A2M: variants seen among roughly 807,000 people sequenced by gnomAD.
The protein encoded by A2M is C3 and PZP-like alpha-2-macroglobulin domain-containing protein 5.
A2M carries 128 observed loss-of-function variants against 183.9 expected under a neutral mutation model. The ratio of observed to expected loss-of-function variants is 0.70; its 90% confidence interval spans 0.60 to 0.81. The LOEUF is 0.81. A2M is among the 30% of genes least tolerant of loss of function. The probability of loss-of-function intolerance (pLI) is 0.00; values close to 1 mark genes in which losing one functional copy is unlikely to be tolerated. For synonymous variants in A2M, 592 were observed against 670.8 expected, an observed-to-expected ratio of 0.88 and a Z score of 1.81; for missense variants, 1,495 against 1,787.6, an observed-to-expected ratio of 0.84 and a Z score of 2.95.
chr12:9,073,349 T>C (rs1406376211), intron 29 of A2M, among the ~76,000 whole-genome samples: 1 of 152,226 alleles, frequency 6.6e-6, no homozygotes, highest in Admixed American at 6.5e-5. Flanking sequence ...ATGCTTCAGT[T>C]TCTCCAAAAG....
intron 18 of A2M, among the ~76,000 whole-genome samples, chr12:9,092,836 A>G (rs749342008): frequency 2.7e-4 from 41 of 152,234 alleles, no homozygotes; most frequent in Non-Finnish European, 5.4e-4. Context: ...AGCATTATTC[A>G]CAGTTGCCAA....
chr12:9,095,851 C>T (rs1027691875), intron 15 of A2M, among the ~76,000 whole-genome samples, 151 bp from the exon 16 acceptor site: 2 of 148,128 alleles, frequency 1.4e-5, no homozygotes, highest in African/African-American at 5.0e-5. Flanking sequence ...GCTCCGCTTC[C>T]CGGGTTCACG....
At chr12:9,102,482 C>T (rs991388866) in intron 11 of A2M, among the ~76,000 whole-genome samples, 1 of 152,198 alleles carries the variant, frequency 6.6e-6, no homozygotes, top group Non-Finnish European at 1.5e-5. Context: ...TCCCAAAGTG[C>T]TGGGATTACA....
intron 3 of A2M, 81 bp from the exon 4 acceptor site, chr12:9,112,292 G>T: frequency 6.2e-7 from 1 of 1,605,106 alleles, no homozygotes; most frequent in Non-Finnish European, 8.5e-7. Context: ...AAGGAACCAA[G>T]ATTATAGGAA....
At position 9,079,733 on chromosome 12, in the gene A2M, G is replaced by C; in HGVS notation, c.2937C>G (p.Leu979=). 1 of 1,613,716 alleles carries C rather than the reference G, an allele frequency of 6.2e-7. No individual in the cohort carries two copies. The highest frequency in any genetic ancestry group is 2.2e-5 in the East Asian group (1 of 44,866). Residue 979 remains leucine, a synonymous_variant, in exon 24 of 36, where the codon CTC becomes CTG. Coordinates refer to ENST00000318602, the MANE Select transcript of A2M (RefSeq NM_000014.6). ...CCAGTACATAGATGTTAGGAGCAAA[G>C]AGGACCATATTCTGCTCTCCACAGC... ...PYGCGEQNMV[L]FAPNIYVLDY...
chr12:9,067,896 G>A (rs1322783069), intron 35 of A2M, 57 bp from the exon 36 acceptor site: 7 of 1,530,970 alleles, frequency 4.6e-6, no homozygotes, highest in South Asian at 2.3e-5. Context: ...TGAGCAGAGA[G>A]TATTCTTTCC....
Position 9,099,409 on chromosome 12 carries a change from T to C in A2M, c.1673A>G (p.Tyr558Cys). 6.4e-7 allele frequency: 1 copy of C among 1,567,506 alleles called. No homozygotes were observed. The highest frequency in any genetic ancestry group is 2.4e-5 in the East Asian group (1 of 42,506). Residue 558 changes from tyrosine (Y) to cysteine (C), a missense_variant, in exon 14 of 36, where the codon TAT becomes TGT. By Grantham distance (194) the Tyr-to-Cys change is radical. Transcript: ENST00000318602. ...GTTGGCCAGACAATTTTCAACATCA[T>C]ATTTTGCAGAATCCCCAATCACGTC... Reference protein sequence around the residue: ...TGDVIGDSAKYDVENCLANKV... With the variant: ...TGDVIGDSAKCDVENCLANKV...
chr12:9,116,044 A>G (rs1939096694), upstream of A2M: 1 of 613,876 alleles, frequency 1.6e-6, no homozygotes, highest in Non-Finnish European at 3.0e-6. Context: ...TTGATGGCCT[A>G]TTTATAGTCA....
intron 13 of A2M, among the ~76,000 whole-genome samples, chr12:9,100,916 G>C (rs944229335): frequency 2.0e-5 from 3 of 152,078 alleles, no homozygotes; most frequent in Non-Finnish European, 4.4e-5. Context: ...GGTGGAAGGG[G>C]GTGAGGGATA....
intron 33 of A2M, 77 bp downstream of exon 33, chr12:9,069,668 T>C (rs1226793442): frequency 2.8e-6 from 3 of 1,072,318 alleles, no homozygotes; most frequent in Non-Finnish European, 4.1e-6. Flanking sequence ...GTTTCTAAAA[T>C]GCATTTACCT....
At position 9,079,627 on chromosome 12, in the gene A2M, G is replaced by A; in HGVS notation, c.3031+12C>T. On this transcript the variant is annotated intron_variant, in intron 24 of 35. Coordinates refer to ENST00000318602, the MANE Select transcript of A2M (RefSeq NM_000014.6). Reference sequence around the variant, plus strand: ...AACATTCAAGTTTTCCCTTACTCAAGTAATCACTCACCAGTGTTGAGATAG... The same window carrying A: ...AACATTCAAGTTTTCCCTTACTCAAATAATCACTCACCAGTGTTGAGATAG... 6.2e-7 allele frequency: 1 copy of A among 1,607,530 alleles called. No individual in the cohort carries two copies. Among genetic ancestry groups the A allele is most frequent in the Non-Finnish European group, 8.5e-7 (1 of 1,177,090 alleles).
At chr12:9,089,393 T>TA in intron 21 of A2M, 142 bp from the exon 22 acceptor site, 2 of 667,572 alleles carry the variant, frequency 3.0e-6, no homozygotes, top group Non-Finnish European at 5.3e-6. Flanking sequence ...ATATAAGCAA[T>TA]ATACGTAGGA....
intron 22 of A2M, among the ~76,000 whole-genome samples, chr12:9,085,408 A>G (rs1490680695): frequency 6.6e-6 from 1 of 152,174 alleles, no homozygotes; most frequent in Admixed American, 6.5e-5. Flanking sequence ...ATGCTCCTGA[A>G]CAGCCAATGG....
At position 9,091,259 on chromosome 12, in the gene A2M, C is replaced by T. The variant is rs117138141; in HGVS notation, c.2411G>A (p.Arg804His). 3.5e-5 allele frequency: 56 copies of T among 1,614,112 alleles called. No individual in the cohort carries two copies. The highest frequency in any genetic ancestry group is 4.4e-5 in the South Asian group (4 of 91,088). The change falls in exon 19 of 36, where the codon CGT becomes CAT. Residue 804 changes from arginine to histidine, a missense_variant. Coordinates refer to ENST00000318602, the MANE Select transcript of A2M (RefSeq NM_000014.6). ...GGCCTTGAGTGTGAAGGCCTCTCCA[C>T]GAATCACAGAGTAAGGCATTGTGAG... The part of the protein sequence containing the change: ...VELTMPYSVI[R>H]GEAFTLKATV...
intron 30 of A2M, 53 bp downstream of exon 30, chr12:9,072,600 G>C (rs764959568): frequency 1.7e-4 from 269 of 1,598,932 alleles, no homozygotes; most frequent in Non-Finnish European, 2.2e-4. Flanking sequence ...ACTTCTCAGA[G>C]AGAACAGCTG....
intron 33 of A2M, 142 bp downstream of exon 33, chr12:9,069,603 G>A (rs1446957242): frequency 1.8e-6 from 1 of 555,902 alleles, no homozygotes; most frequent in Non-Finnish European, 3.1e-6. Flanking sequence ...AAGGAGAGAA[G>A]AACATTCTTT....
chr12:9,074,024 G>T (rs1173482438), intron 29 of A2M, among the ~76,000 whole-genome samples: 1 of 150,632 alleles, frequency 6.6e-6, no homozygotes, highest in Non-Finnish European at 1.5e-5. Context: ...GGAGATGGAG[G>T]TTGCAGTGAG....
intron 10 of A2M, among the ~76,000 whole-genome samples, chr12:9,105,484 A>G (rs1311673777): frequency 6.6e-6 from 1 of 152,182 alleles, no homozygotes; most frequent in East Asian, 1.9e-4. Flanking sequence ...CCTCTTTTAC[A>G]CCCTTCATAG....
intron 30 of A2M, 30 bp downstream of exon 30, chr12:9,072,623 G>A: frequency 1.2e-6 from 2 of 1,609,708 alleles, no homozygotes; most frequent in Admixed American, 1.7e-5. Flanking sequence ...GTCCTCATCT[G>A]TCCTGTCCTC....
Sources: allele counts gnomAD v4.1 joint callset (sites outside exome capture counted in the v4.1 genomes callset), GRCh38; gene constraint gnomAD v4.1.1; transcripts MANE v1.5; gene names NCBI Gene and HGNC (gene_info 2026-07-23, HGNC 2026-07-21).